The following TVP23C variants were observed in gnomAD, a reference collection of about 807,000 sequenced individuals.
TVP23C encodes the protein Golgi apparatus membrane protein TVP23 homolog C.
Under a neutral mutation model 28.7 loss-of-function variants are expected in TVP23C, and 19 were observed. The observed-to-expected ratio is 0.66, with a 90% CI of 0.46 to 0.97. The LOEUF (loss-of-function observed/expected upper bound fraction) is 0.97, where lower values mean the gene tolerates loss of function less well. TVP23C is among the 50% of genes least tolerant of loss of function. The pLI, the probability that TVP23C is intolerant of heterozygous loss-of-function variation, is 0.00. For missense variants in TVP23C, 186 were observed against 241.3 expected (o/e 0.77, Z 1.52); for synonymous variants, 68 against 81.7 (o/e 0.83, Z 0.90).
In TVP23C at chr17:15,523,984, C is replaced by T. The variant is rs564938661; in HGVS notation, c.463-20752G>A. 5.3e-5 allele frequency among the ~76,000 whole-genome samples: 8 copies of T among 152,054 alleles called. No homozygotes were observed. In the South Asian group the frequency reaches 6.2e-4, roughly 12 times the overall value. Reference sequence around the variant, plus strand: ...CAGAATATTTCAAAGATGTCCTATACGCACTACAAAACACTGCTGAAGAGA... The same window carrying T: ...CAGAATATTTCAAAGATGTCCTATATGCACTACAAAACACTGCTGAAGAGA... On this transcript the variant is annotated intron_variant, in intron 5 of 5. Transcript: ENST00000225576.
chr17:15,560,618 C>G (rs1329055488), intron 1 of TVP23C, among the ~76,000 whole-genome samples: 1 of 148,454 alleles, frequency 6.7e-6, no homozygotes, highest in Non-Finnish European at 1.5e-5. Context: ...TGCAGTGGCA[C>G]GATCTCGGCT....
At chr17:15,505,997 C>T (rs1376649031) in intron 5 of TVP23C, among the ~76,000 whole-genome samples, 3 of 152,220 alleles carry the variant, frequency 2.0e-5, no homozygotes, top group Non-Finnish European at 4.4e-5. Flanking sequence ...CTGTGCGGCC[C>T]AAGCCTCCCC....
chr17:15,506,907 G>C (rs903184576), intron 5 of TVP23C: 2 of 971,974 alleles, frequency 2.1e-6, no homozygotes, highest in African/African-American at 3.2e-5. Flanking sequence ...CCATCAACGG[G>C]GAGCCCTTGG....
At chr17:15,559,582 G>T (rs1263090653) in intron 1 of TVP23C, among the ~76,000 whole-genome samples, 1 of 148,718 alleles carries the variant, frequency 6.7e-6, no homozygotes, top group Admixed American at 6.8e-5. Context: ...AAATCTGGAG[G>T]GGGAGGGGAG....
intron 5 of TVP23C, among the ~76,000 whole-genome samples, chr17:15,511,183 G>A (rs1008779231): frequency 4.6e-5 from 7 of 151,936 alleles, no homozygotes; most frequent in Admixed American, 6.6e-5. Flanking sequence ...ACAGGTACCC[G>A]GTCTACAGTA....
At chr17:15,514,040 C>G (rs372995702) in intron 5 of TVP23C, among the ~76,000 whole-genome samples, 1 of 152,340 alleles carries the variant, frequency 6.6e-6, no homozygotes, top group Admixed American at 6.5e-5. Flanking sequence ...ATCCTCCGCA[C>G]GCTTCCAAGA....
At position 15,539,722 on chromosome 17, in the gene TVP23C, C is replaced by T; in HGVS notation, c.*690G>A. 4.1e-6 allele frequency: 4 copies of T among 985,224 alleles called. No individual in the cohort carries two copies. Among genetic ancestry groups the T allele is most frequent in the Non-Finnish European group, 4.8e-6 (4 of 829,928 alleles). The allele number at this position is 985,224 out of a possible 1,614,324, so 61.0% of individuals were successfully genotyped here. A position where few individuals can be genotyped will look rare whatever the true frequency, so the allele number is the denominator to read the frequency against. ...GATGTTGAGGTATTATAGTAAAATC[C>T]TTATGTTCTAGGGGGAAAAAAACAT... is the stretch of plus-strand genomic sequence containing the variant. On this transcript the variant is annotated 3_prime_UTR_variant, in exon 6 of 6. Transcript: ENST00000518321.
intron 5 of TVP23C, among the ~76,000 whole-genome samples, chr17:15,510,968 C>T (rs780217077): frequency 1.4e-5 from 2 of 144,242 alleles, no homozygotes; most frequent in Admixed American, 7.4e-5. Context: ...GCAGGAGAAT[C>T]GTTTGAACCC....
At chr17:15,518,887 G>A (rs975140718) in intron 5 of TVP23C, among the ~76,000 whole-genome samples, 4 of 152,266 alleles carry the variant, frequency 2.6e-5, no homozygotes, top group Non-Finnish European at 4.4e-5. Flanking sequence ...CCCACGTGTC[G>A]AGGGGGGACC....
chr17:15,548,224 CG>C (rs1438486466), intron 3 of TVP23C, among the ~76,000 whole-genome samples: 1 of 152,104 alleles, frequency 6.6e-6, no homozygotes, highest in Non-Finnish European at 1.5e-5. Context: ...TGGCATGCAA[CG>C]GGGCGATCTC....
At chr17:15,541,174 C>T (rs1983397407) in intron 5 of TVP23C, among the ~76,000 whole-genome samples, 1 of 152,182 alleles carries the variant, frequency 6.6e-6, no homozygotes, top group Non-Finnish European at 1.5e-5. Context: ...GGTGATCCCA[C>T]TAGGATCAAT....
intron 5 of TVP23C, chr17:15,503,309 A>T (rs1208370311): frequency 1.1e-5 from 16 of 1,429,162 alleles, no homozygotes; most frequent in Non-Finnish European, 1.5e-5. Flanking sequence ...ACAGGCCGAG[A>T]TGGGAGGATC....
downstream of TVP23C, among the ~76,000 whole-genome samples, chr17:15,535,364 C>T (rs1983112864): frequency 6.7e-6 from 1 of 149,894 alleles, no homozygotes; most frequent in African/African-American, 2.5e-5. Context: ...TGTTAGAACC[C>T]AGTGCCAGGT....
chr17:15,542,054 TA>T (rs1983432836), intron 5 of TVP23C, among the ~76,000 whole-genome samples: 1 of 152,032 alleles, frequency 6.6e-6, no homozygotes, highest in Non-Finnish European at 1.5e-5. Context: ...AAAACACAAA[TA>T]AACTAATACC....
At chr17:15,561,671 G>A (rs553382767) in intron 1 of TVP23C, among the ~76,000 whole-genome samples, 79 of 150,670 alleles carry the variant, frequency 5.2e-4, no homozygotes, top group African/African-American at 1.8e-3. Flanking sequence ...TAAATAGTGG[G>A]AACAGTCAAC....
chr17:15,552,469 G>A (rs919697808), intron 3 of TVP23C, among the ~76,000 whole-genome samples: 13 of 152,214 alleles, frequency 8.5e-5, no homozygotes, highest in African/African-American at 2.4e-4. Flanking sequence ...ATCACTTGAC[G>A]TCAGAAGTTC....
At chr17:15,548,148 AGTTTTGTTTTTT>A (rs1278361347) in intron 3 of TVP23C, among the ~76,000 whole-genome samples, 3 of 151,646 alleles carry the variant, frequency 2.0e-5, no homozygotes. Flanking sequence ...AAAATATTGT[AGTTTTGTTTTTT>A]GTTTGGTTTT....
At chr17:15,507,567 G>A (rs530544820) in intron 5 of TVP23C, among the ~76,000 whole-genome samples, 6 of 152,298 alleles carry the variant, frequency 3.9e-5, no homozygotes, top group Admixed American at 2.0e-4. Context: ...GGCCGGGCGC[G>A]GTGGCTCACG....
rs777045111 is a variant in TVP23C at position 15,553,778 on chromosome 17, G to A, written c.147C>T (p.Ile49=). 9 of 1,613,792 alleles carry A rather than the reference G, an allele frequency of 5.6e-6. No individual in the cohort carries two copies. The highest frequency in any genetic ancestry group is 2.7e-5 in the African/African-American group (2 of 74,916). ...TGAGCAACTCACAGAGAAGACAGACGATGATTGCACTGACTCGAAAGAATA... is the reference window on the plus strand; with the variant it reads ...TGAGCAACTCACAGAGAAGACAGACAATGATTGCACTGACTCGAAAGAATA... The part of the protein sequence containing the change: ...FHLFFRVSAI[I]VCLLCELLSS... The change falls in exon 3 of 6, where the codon ATC becomes ATT. Residue 49 remains isoleucine, a synonymous_variant. Coordinates refer to ENST00000518321, the MANE Select transcript of TVP23C (RefSeq NM_001135036.2).
Sources: allele counts gnomAD v4.1 joint callset (sites outside exome capture counted in the v4.1 genomes callset), GRCh38; gene constraint gnomAD v4.1.1; transcripts MANE v1.5; gene names NCBI Gene and HGNC (gene_info 2026-07-23, HGNC 2026-07-21).